Variants in ADGRB3 observed in about 807,000 individuals in gnomAD.
ADGRB3 encodes the protein brain-specific angiogenesis inhibitor 3.
In ADGRB3, 37 loss-of-function variants were observed where a neutral mutation model predicts 193.4. The observed-to-expected ratio is 0.19, with a 90% CI of 0.15 to 0.25. ADGRB3 has a LOEUF of 0.25. Among genes scored for constraint, ADGRB3 ranks in the 10% least tolerant of loss-of-function variants. ADGRB3 has a pLI of 1.00. For synonymous variants in ADGRB3, 690 were observed against 644.2 expected (o/e 1.07, Z -1.08); for missense variants, 1,637 against 1,852.9 (o/e 0.88, Z 2.14).
intron 11 of ADGRB3, among the ~76,000 whole-genome samples, chr6:69,003,625 C>G (rs1050020731): frequency 2.0e-5 from 3 of 152,066 alleles, no homozygotes; most frequent in Non-Finnish European, 4.4e-5. Context: ...TATTGTTTCT[C>G]TGTGGTATAG....
intron 17 of ADGRB3, among the ~76,000 whole-genome samples, chr6:69,100,143 C>T (rs1255937768): frequency 6.6e-6 from 1 of 152,116 alleles, no homozygotes; most frequent in Non-Finnish European, 1.5e-5. Context: ...ATTAGATGTG[C>T]CCATTTGCAA....
At chr6:68,727,542 T>G (rs1765695606) in intron 3 of ADGRB3, among the ~76,000 whole-genome samples, 2 of 151,634 alleles carry the variant, frequency 1.3e-5, no homozygotes, top group South Asian at 4.2e-4. Context: ...AAAAGATGTA[T>G]ACCAAGAAAT....
At chr6:69,378,957 C>A (rs2127344214) in intron 30 of ADGRB3, among the ~76,000 whole-genome samples, 1 of 152,034 alleles carries the variant, frequency 6.6e-6, no homozygotes, top group African/African-American at 2.4e-5. Flanking sequence ...AATTCTCTTG[C>A]ATTTAAAATG....
chr6:69,263,882 C>T (rs914024043), intron 20 of ADGRB3, among the ~76,000 whole-genome samples: 5 of 151,880 alleles, frequency 3.3e-5, no homozygotes, highest in South Asian at 4.1e-4. Flanking sequence ...GCAGCAGAGC[C>T]GAGCAAAACT....
rs760945188 is a variant in ADGRB3, at chr6:68,639,232, C to G, written c.557C>G (p.Thr186Arg). 13 of 1,613,940 alleles carry G rather than the reference C, an allele frequency of 8.1e-6. No homozygotes were observed. Among genetic ancestry groups the G allele is most frequent in the Non-Finnish European group, 1.1e-5 (13 of 1,180,008 alleles). ...ESCLKSENGR[T>R]ESCGIMYTKC... Reference sequence around the variant, plus strand: ...TGCTTAAAATCAGAAAATGGGAGAACAGAATCATGTGGGATCATGTATACA... The same window carrying G: ...TGCTTAAAATCAGAAAATGGGAGAAGAGAATCATGTGGGATCATGTATACA... The change falls in exon 3 of 32, where the codon ACA becomes AGA. Residue 186 changes from threonine (T) to arginine (R), a missense_variant. Thr to Arg is a moderately conservative substitution (Grantham distance 71). Transcript: ENST00000370598.
At chr6:68,678,161 T>C (rs914411483) in intron 3 of ADGRB3, among the ~76,000 whole-genome samples, 1 of 152,124 alleles carries the variant, frequency 6.6e-6, no homozygotes, top group East Asian at 1.9e-4. Context: ...TGGCTCATGC[T>C]TGTAATCCCA....
At chr6:69,014,256 C>T (rs578148351) in intron 12 of ADGRB3, 150 bp downstream of exon 12, 73 of 539,894 alleles carry the variant, frequency 1.4e-4, no homozygotes, top group Non-Finnish European at 2.0e-4. Context: ...AACAAATGAT[C>T]GTTACCATAC....
At chr6:69,003,315 A>G (rs917439774) in intron 11 of ADGRB3, among the ~76,000 whole-genome samples, 2 of 152,152 alleles carry the variant, frequency 1.3e-5, no homozygotes, top group African/African-American at 4.8e-5. Flanking sequence ...CACCTAAGGG[A>G]GTGTGGGCAC....
chr6:69,237,569 ATGAAGGCAACAATAGGGCTCAGTTT>A (rs1766294861), intron 19 of ADGRB3, among the ~76,000 whole-genome samples: 1 of 152,052 alleles, frequency 6.6e-6, no homozygotes, highest in Non-Finnish European at 1.5e-5. Flanking sequence ...CATAGCAATT[ATGAAGGCAACAATAGGGCTCAGTTT>A]TGATAAAAAT....
At chr6:69,353,467 G>A (rs1204698985) in intron 26 of ADGRB3, among the ~76,000 whole-genome samples, 2 of 152,078 alleles carry the variant, frequency 1.3e-5, no homozygotes, top group Admixed American at 1.3e-4. Context: ...TCTTACATGA[G>A]ACATAAAAAG....
rs983006312 is a variant in ADGRB3, at chr6:68,732,972, C to A, written c.757+93540C>A. The stretch of plus-strand genomic sequence containing the variant: ...AAGATTTTTTATTTCTAATGTCATC[C>A]AGCTCATGATGATGCTGTTGACTTG... On this transcript the variant is annotated intron_variant, in intron 3 of 31. Transcript: ENST00000370598. Among the ~76,000 whole-genome samples the A allele has an allele frequency of 3.3e-5, 5 of 151,870 alleles. 1 individual carries two copies. The East Asian group carries it at 5.9e-4, about 18-fold the overall frequency.
chr6:69,216,523 A>G (rs1326433591), intron 17 of ADGRB3, among the ~76,000 whole-genome samples: 1 of 152,182 alleles, frequency 6.6e-6, no homozygotes, highest in Non-Finnish European at 1.5e-5. Flanking sequence ...CAACACCCAC[A>G]GGTAAAACTA....
chr6:68,949,865 T>A (rs1389834651), intron 6 of ADGRB3, among the ~76,000 whole-genome samples: 1 of 152,078 alleles, frequency 6.6e-6, no homozygotes, highest in Non-Finnish European at 1.5e-5. Flanking sequence ...CCATTTAATA[T>A]TTTTTTCTCA....
intron 17 of ADGRB3, among the ~76,000 whole-genome samples, chr6:69,205,950 TA>T (rs1765528186): frequency 1.3e-5 from 2 of 148,942 alleles, no homozygotes; most frequent in African/African-American, 4.9e-5. Flanking sequence ...CACACCAAGC[TA>T]ATTTTTTTTT....
At chr6:68,673,204 C>T (rs888676648) in intron 3 of ADGRB3, among the ~76,000 whole-genome samples, 7 of 151,990 alleles carry the variant, frequency 4.6e-5, no homozygotes, top group Non-Finnish European at 8.8e-5. Context: ...AGATTCTTAT[C>T]CTTGGTAGAT....
intron 3 of ADGRB3, among the ~76,000 whole-genome samples, chr6:68,722,664 C>CA (rs1232706270): frequency 6.7e-6 from 1 of 150,272 alleles, no homozygotes; most frequent in Admixed American, 6.7e-5. Flanking sequence ...ATCATTTCTT[C>CA]AGTACCTTTC....
At chr6:68,763,430 T>C (rs1309149204) in intron 3 of ADGRB3, among the ~76,000 whole-genome samples, 1 of 152,184 alleles carries the variant, frequency 6.6e-6, no homozygotes, top group African/African-American at 2.4e-5. Flanking sequence ...GAAAAAGACA[T>C]GCTACTCCTA....
intron 15 of ADGRB3, among the ~76,000 whole-genome samples, chr6:69,054,029 T>C (rs1311989354): frequency 6.6e-6 from 1 of 152,124 alleles, no homozygotes; most frequent in Non-Finnish European, 1.5e-5. Context: ...TGTTAAGACA[T>C]GAAAAATGTA....
At chr6:68,910,748 C>G (rs979630858) in intron 3 of ADGRB3, among the ~76,000 whole-genome samples, 1 of 152,100 alleles carries the variant, frequency 6.6e-6, no homozygotes. Flanking sequence ...GGGCTCTGTT[C>G]TGTTCCATTG....
Sources: allele counts gnomAD v4.1 joint callset (sites outside exome capture counted in the v4.1 genomes callset), GRCh38; gene constraint gnomAD v4.1.1; transcripts MANE v1.5; gene names NCBI Gene and HGNC (gene_info 2026-07-23, HGNC 2026-07-21).